Variants in DNAH14 observed in about 807,000 individuals in gnomAD.
The protein encoded by DNAH14 is axonemal beta dynein heavy chain 14.
DNAH14 carries 478 observed loss-of-function variants against 520.9 expected under a neutral mutation model. The observed-to-expected ratio is 0.92, with a 90% CI of 0.85 to 0.99. The LOEUF (loss-of-function observed/expected upper bound fraction) is 0.99. Among genes scored for constraint, DNAH14 ranks in the 50% least tolerant of loss-of-function variants. DNAH14 has a pLI of 0.00. For missense variants in DNAH14, 4,831 were observed against 5,234.5 expected (o/e 0.92, Z 2.38); for synonymous variants, 1,581 against 1,757.2 (o/e 0.90, Z 2.51).
intron 31 of DNAH14, among the ~76,000 whole-genome samples, chr1:225,149,025 C>T (rs1243934726): frequency 1.3e-5 from 2 of 152,126 alleles, no homozygotes; most frequent in Non-Finnish European, 2.9e-5. Context: ...GAAATCTTGG[C>T]CCATTCCTAT....
chr1:225,143,636 C>T (rs2079648021), intron 28 of DNAH14, among the ~76,000 whole-genome samples: 1 of 152,026 alleles, frequency 6.6e-6, no homozygotes, highest in Non-Finnish European at 1.5e-5. Flanking sequence ...TTGTACCTGC[C>T]TCCACTTGTA....
intron 41 of DNAH14, among the ~76,000 whole-genome samples, chr1:225,224,689 C>T (rs765156638): frequency 3.9e-5 from 6 of 152,184 alleles, no homozygotes; most frequent in Non-Finnish European, 5.9e-5. Context: ...GTTCACTCCC[C>T]CATACCTAAC....
chr1:225,242,244 T>A (rs687102), intron 43 of DNAH14, among the ~76,000 whole-genome samples: 26,303 of 147,974 alleles, frequency 0.18, 2,426 homozygotes, highest in East Asian at 0.34. Context: ...AAAAAAAAAA[T>A]TTTTTTTCTT....
intron 60 of DNAH14, among the ~76,000 whole-genome samples, chr1:225,317,941 T>C (rs2094495675): frequency 6.6e-6 from 1 of 152,188 alleles, no homozygotes; most frequent in Non-Finnish European, 1.5e-5. Context: ...CTGGAAGTCA[T>C]TTCTATTTCA....
chr1:225,114,326 G>A (rs1424223125), intron 23 of DNAH14, among the ~76,000 whole-genome samples: 1 of 152,090 alleles, frequency 6.6e-6, no homozygotes, highest in Non-Finnish European at 1.5e-5. Context: ...CCTGCCAGGT[G>A]CCCTATCCTA....
intron 8 of DNAH14, among the ~76,000 whole-genome samples, chr1:224,989,224 T>C (rs2062862536): frequency 6.6e-6 from 1 of 152,162 alleles, no homozygotes; most frequent in Non-Finnish European, 1.5e-5. Flanking sequence ...CAAAATAATG[T>C]TTAAATAAAA....
chr1:225,087,791 T>C (rs1572973973), intron 21 of DNAH14, among the ~76,000 whole-genome samples: 1 of 152,148 alleles, frequency 6.6e-6, no homozygotes, highest in South Asian at 2.1e-4. Flanking sequence ...GGCAGGCCCC[T>C]ACACAAGCAT....
At chr1:225,129,854 A>G (rs1481950484) in intron 27 of DNAH14, among the ~76,000 whole-genome samples, 1 of 152,240 alleles carries the variant, frequency 6.6e-6, no homozygotes, top group East Asian at 1.9e-4. Context: ...TGCACAGCAA[A>G]AGAAACTACC....
chr1:225,079,148 T>C, intron 17 of DNAH14, 59 bp from the exon 18 acceptor site: 1 of 1,391,050 alleles, frequency 7.2e-7, no homozygotes, highest in South Asian at 1.3e-5. Context: ...AAAAGAGTAA[T>C]TAGTCTTCCA....
chr1:225,021,879 A>G (rs1379973705), intron 10 of DNAH14, among the ~76,000 whole-genome samples: 1 of 152,228 alleles, frequency 6.6e-6, no homozygotes, highest in East Asian at 1.9e-4. Context: ...CCGACTTCAA[A>G]CTATACAAGA....
chr1:225,345,844 A>C, intron 69 of DNAH14, 118 bp from the exon 70 acceptor site: 2 of 764,872 alleles, frequency 2.6e-6, no homozygotes, highest in Non-Finnish European at 4.0e-6. Flanking sequence ...CCCGTCTCTG[A>C]CATAAAGCCA....
At chr1:225,065,403 T>C (rs1202730338) in intron 17 of DNAH14, among the ~76,000 whole-genome samples, 1 of 151,676 alleles carries the variant, frequency 6.6e-6, no homozygotes. Context: ...CAGTACACTA[T>C]TATTAAATAT....
intron 8 of DNAH14, among the ~76,000 whole-genome samples, chr1:224,978,597 A>T (rs183188576): frequency 1.7e-4 from 26 of 152,282 alleles, no homozygotes; most frequent in African/African-American, 6.0e-4. Context: ...GTAAACAATA[A>T]TTCATTACAT....
At chr1:225,394,429 T>C (rs2095974019) in intron 84 of DNAH14, among the ~76,000 whole-genome samples, 1 of 152,182 alleles carries the variant, frequency 6.6e-6, no homozygotes, top group Non-Finnish European at 1.5e-5. Context: ...TTATTTAGGG[T>C]TAATGCTTTT....
chr1:224,997,968 A>T (rs2063506285), intron 8 of DNAH14, among the ~76,000 whole-genome samples: 2 of 152,258 alleles, frequency 1.3e-5, no homozygotes, highest in South Asian at 4.1e-4. Context: ...AATTTTCTTG[A>T]TAGGTATAGG....
chr1:224,944,205 A>C (rs999686259), intron 1 of DNAH14, among the ~76,000 whole-genome samples: 13 of 152,138 alleles, frequency 8.5e-5, no homozygotes, highest in Non-Finnish European at 1.6e-4. Context: ...TATATTTAGG[A>C]TAGTTAGCTC....
chr1:225,249,076 A>C (rs927895795), intron 43 of DNAH14, among the ~76,000 whole-genome samples: 2 of 152,200 alleles, frequency 1.3e-5, no homozygotes, highest in African/African-American at 4.8e-5. Context: ...ATAATGGCAT[A>C]AGAAGCCAAA....
intron 3 of DNAH14, among the ~76,000 whole-genome samples, chr1:224,956,398 T>A (rs2060512689): frequency 6.6e-6 from 1 of 152,202 alleles, no homozygotes; most frequent in Non-Finnish European, 1.5e-5. Flanking sequence ...GTACCTTTTC[T>A]ATGTTGAGAT....
chr1:225,129,138 C>G (rs1427541604), intron 27 of DNAH14, among the ~76,000 whole-genome samples: 1 of 151,802 alleles, frequency 6.6e-6, no homozygotes, highest in Non-Finnish European at 1.5e-5. Context: ...TCAAGGAGAA[C>G]TACAAACCAC....
Sources: allele counts gnomAD v4.1 joint callset (sites outside exome capture counted in the v4.1 genomes callset), GRCh38; gene constraint gnomAD v4.1.1; transcripts MANE v1.5; gene names NCBI Gene and HGNC (gene_info 2026-07-23, HGNC 2026-07-21).